The following FAM78B variants were observed in gnomAD, a reference collection of about 807,000 sequenced individuals.
FAM78B encodes family with sequence similarity 78 member B, also known as protein FAM78B.
FAM78B carries 10 observed loss-of-function variants against 20.0 expected under a neutral mutation model. That is an observed-to-expected ratio of 0.50 (90% CI 0.31 to 0.85). FAM78B has a LOEUF of 0.85. FAM78B is among the 40% of genes least tolerant of loss of function. The pLI, the probability that FAM78B is intolerant of heterozygous loss-of-function variation, is 0.05. For missense variants in FAM78B, 283 were observed against 345.0 expected (o/e 0.82, Z 1.42); for synonymous variants, 135 against 132.8 (o/e 1.02, Z -0.12).
intron 1 of FAM78B, among the ~76,000 whole-genome samples, chr1:166,131,070 C>T (rs1654860483): frequency 6.7e-6 from 1 of 150,244 alleles, no homozygotes; most frequent in Non-Finnish European, 1.5e-5. Context: ...TGGCTCACTG[C>T]AACCTCCACT....
At chr1:166,130,961 T>C (rs952589314) in intron 1 of FAM78B, among the ~76,000 whole-genome samples, 2 of 150,828 alleles carry the variant, frequency 1.3e-5, no homozygotes. Flanking sequence ...TAACTTGGTG[T>C]ATCTGCATCT....
chr1:166,062,812 T>C (rs1033446015), intron 2 of FAM78B, among the ~76,000 whole-genome samples: 1 of 152,260 alleles, frequency 6.6e-6, no homozygotes, highest in African/African-American at 2.4e-5. Flanking sequence ...GTATTATCTT[T>C]CCTGTTATTT....
chr1:166,146,408 G>A (rs897619788), intron 1 of FAM78B, among the ~76,000 whole-genome samples: 6 of 152,152 alleles, frequency 3.9e-5, no homozygotes, highest in African/African-American at 1.4e-4. Flanking sequence ...TATAAAGCTG[G>A]TACTTGATAA....
chr1:166,096,111 C>G (rs1653264954), intron 1 of FAM78B, among the ~76,000 whole-genome samples: 1 of 152,186 alleles, frequency 6.6e-6, no homozygotes, highest in South Asian at 2.1e-4. Flanking sequence ...AAGATGACAT[C>G]TGGTATCAAC....
intron 1 of FAM78B, among the ~76,000 whole-genome samples, chr1:166,143,662 T>G (rs12564120): frequency 0.93 from 140,843 of 151,900 alleles, 66,175 homozygotes; most frequent in East Asian, 1. Flanking sequence ...AGGAAGAGGG[T>G]CCTGATGGGA....
chr1:166,154,747 T>C (rs749515564), intron 1 of FAM78B: 1 of 521,808 alleles, frequency 1.9e-6, no homozygotes, highest in South Asian at 1.5e-5. Context: ...AATTAGCCAG[T>C]GATCCAGGCC....
At chr1:166,093,527 C>T (rs1344912571) in intron 1 of FAM78B, among the ~76,000 whole-genome samples, 2 of 152,130 alleles carry the variant, frequency 1.3e-5, no homozygotes, top group Non-Finnish European at 2.9e-5. Context: ...ACCATGGATC[C>T]CCATTTTAAA....
intron 1 of FAM78B, among the ~76,000 whole-genome samples, chr1:166,101,878 G>A (rs1338285087): frequency 6.6e-5 from 10 of 152,082 alleles, no homozygotes; most frequent in Middle Eastern, 3.4e-3. Flanking sequence ...GATACTCCTC[G>A]AGAAGAGCAA....
At chr1:166,158,683 G>A (rs970414616) in intron 1 of FAM78B, among the ~76,000 whole-genome samples, 1 of 152,132 alleles carries the variant, frequency 6.6e-6, no homozygotes, top group Non-Finnish European at 1.5e-5. Context: ...AACAACTCTA[G>A]AACCATCCTT....
rs562960973 is a variant in FAM78B at position 166,096,909 on chromosome 1, G to A, written c.264-26146C>T. ...TGCAGCTCTGGACAGAGCAGCGGGC[G>A]GCGGCTCACACTGTAAGCTGTAGGT... On this transcript the variant is annotated intron_variant, in intron 1 of 1. Coordinates refer to ENST00000354422, the MANE Select transcript of FAM78B (RefSeq NM_001017961.5). Among the ~76,000 whole-genome samples, 12 of 152,264 alleles carry A rather than the reference G, an allele frequency of 7.9e-5. No homozygotes were observed. The South Asian group carries it at 1.9e-3, about 24-fold the overall frequency.
intron 1 of FAM78B, among the ~76,000 whole-genome samples, chr1:166,161,825 T>C (rs915945830): frequency 6.6e-6 from 1 of 152,072 alleles, no homozygotes; most frequent in African/African-American, 2.4e-5. Flanking sequence ...ATAGTGGGGA[T>C]CGAGAGTTCG....
At chr1:166,064,424 T>C (rs1056737988), downstream of FAM78B, among the ~76,000 whole-genome samples, 10 of 152,152 alleles carry the variant, frequency 6.6e-5, no homozygotes, top group Non-Finnish European at 1.3e-4. Flanking sequence ...AGGTTTAAAC[T>C]AGGCAAATTG....
At chr1:166,056,109 G>A (rs148558970), downstream of FAM78B, among the ~76,000 whole-genome samples, 113 of 152,250 alleles carry the variant, frequency 7.4e-4, 1 homozygote, top group African/African-American at 2.5e-3. Context: ...GGGTAGAGGC[G>A]TCTTAGTTAG....
chr1:166,094,479 T>C (rs943034353), intron 1 of FAM78B, among the ~76,000 whole-genome samples: 1 of 152,144 alleles, frequency 6.6e-6, no homozygotes, highest in African/African-American at 2.4e-5. Flanking sequence ...TCCCAATCAC[T>C]ATGGACCCAG....
Position 166,166,261 on chromosome 1 carries a change from T to G in FAM78B, c.-13A>C, listed in dbSNP as rs1557925751. ...GGATACAGCCCATCCTGCAGCCCGG[T>G]GCCGGCACGGCGCGGCGTGGGGCAG... On this transcript the variant is annotated 5_prime_UTR_variant, in exon 1 of 2. Coordinates refer to ENST00000354422, the MANE Select transcript of FAM78B (RefSeq NM_001017961.5). The G allele has an allele frequency of 1.5e-6, 2 of 1,377,960 alleles. No homozygotes were observed. The highest frequency in any genetic ancestry group is 3.0e-5 in the East Asian group (1 of 33,254). The allele number at this position is 1,377,960 out of a possible 1,614,324, so 85.4% of individuals were successfully genotyped here. A position where few individuals can be genotyped will look rare whatever the true frequency, so the allele number is the denominator to read the frequency against.
chr1:166,142,212 T>C (rs80105493), intron 1 of FAM78B, among the ~76,000 whole-genome samples: 2,454 of 152,144 alleles, frequency 0.016, 70 homozygotes, highest in African/African-American at 0.056. Context: ...GAGTGGAGGG[T>C]TAGACTGCAC....
At chr1:166,089,650 G>A (rs1434566350) in intron 1 of FAM78B, among the ~76,000 whole-genome samples, 1 of 152,044 alleles carries the variant, frequency 6.6e-6, no homozygotes. Context: ...ATGGAGTTTT[G>A]TACAGTTAGG....
At chr1:166,089,933 G>A (rs972110203) in intron 1 of FAM78B, among the ~76,000 whole-genome samples, 3 of 152,166 alleles carry the variant, frequency 2.0e-5, no homozygotes, top group Admixed American at 6.5e-5. Flanking sequence ...CAGACTCCTC[G>A]AGACTCAGCT....
chr1:166,123,459 G>C (rs543109367), intron 1 of FAM78B, among the ~76,000 whole-genome samples: 52 of 152,140 alleles, frequency 3.4e-4, no homozygotes, highest in Non-Finnish European at 6.8e-4. Context: ...TGGTATCCTC[G>C]TCTCCAACCT....
Sources: allele counts gnomAD v4.1 joint callset (sites outside exome capture counted in the v4.1 genomes callset), GRCh38; gene constraint gnomAD v4.1.1; transcripts MANE v1.5; gene names NCBI Gene and HGNC (gene_info 2026-07-23, HGNC 2026-07-21).